TP53BP1: variants seen among roughly 807,000 people sequenced by gnomAD.
The protein encoded by TP53BP1 is TP53-binding protein 1.
Under a neutral mutation model 200.8 loss-of-function variants are expected in TP53BP1, and 61 were observed. The observed-to-expected ratio is 0.30, with a 90% CI of 0.25 to 0.38. The LOEUF is 0.38. Among genes scored for constraint, TP53BP1 ranks in the 10% least tolerant of loss-of-function variants. TP53BP1 has a pLI of 1.00. For missense variants in TP53BP1, 2,144 were observed against 2,371.9 expected, an observed-to-expected ratio of 0.90 and a Z score of 2.00; for synonymous variants, 822 against 844.3, an observed-to-expected ratio of 0.97 and a Z score of 0.46.
rs1018078411 is a variant in TP53BP1, at chr15:43,456,227, T to A, written c.2381A>T (p.Asp794Val). The change falls in exon 12 of 28, where the codon GAT (aspartate) becomes GTT (valine). Residue 794 changes from aspartate (D) to valine (V), a missense_variant. This residue lies in a region of TP53BP1 where 1,700 missense variants were observed against 1,710.3 expected (regional missense o/e 0.99). Coordinates refer to ENST00000382044, the MANE Select transcript of TP53BP1 (RefSeq NM_001141980.3). The stretch of plus-strand genomic sequence containing the variant: ...ACATGGTTCTATTTCTGGAGCAATA[T>A]CCTCCCATGACTGGGAATCTGAGCA... Reference protein sequence around the residue: ...EKCSDSQSWEDIAPEIEPCAE... With the variant: ...EKCSDSQSWEVIAPEIEPCAE... 1.2e-6 allele frequency: 2 copies of A among 1,614,154 alleles called. No individual in the cohort carries two copies. Among genetic ancestry groups the A allele is most frequent in the Non-Finnish European group, 8.5e-7 (1 of 1,180,046 alleles).
intron 4 of TP53BP1, among the ~76,000 whole-genome samples, chr15:43,481,668 A>G (rs1229901474): frequency 6.6e-6 from 1 of 151,576 alleles, no homozygotes; most frequent in African/African-American, 2.4e-5. Flanking sequence ...TATAAAAATT[A>G]GCTGGGTGTG....
Position 43,457,980 on chromosome 15 carries a change from T to C in TP53BP1, c.1390-762A>G, listed in dbSNP as rs575582940. Among the ~76,000 whole-genome samples the C allele has an allele frequency of 3.3e-5, 5 of 151,722 alleles. No individual in the cohort carries two copies. The South Asian group carries it at 1.0e-3, about 32-fold the overall frequency. ...GTTGCAGTGAGCCAAGATCGTGTCA[T>C]TGCACTCCAGTCTGGATTACAGAGC... On this transcript the variant is annotated intron_variant, in intron 11 of 27. Coordinates refer to ENST00000382044, the MANE Select transcript of TP53BP1 (RefSeq NM_001141980.3).
rs190851376 is a variant in TP53BP1, at chr15:43,441,618, G to C, written c.3041-35C>G. On this transcript the variant is annotated intron_variant, in intron 14 of 27. Transcript: ENST00000382044. ...AACAAAACCAAGGAGAGAAAGGAAA[G>C]AGAAACAGAATTTAGTTAGTATCAC... 4.4e-5 allele frequency: 66 copies of C among 1,508,160 alleles called. No individual in the cohort carries two copies. In the African/African-American group the frequency reaches 7.7e-4, roughly 18 times the overall value. 93.4% of individuals were successfully genotyped at this position (1,508,160 alleles called of 1,614,324 possible).
intron 1 of TP53BP1, among the ~76,000 whole-genome samples, chr15:43,504,323 T>TTGAA (rs2079225254): frequency 2.0e-5 from 3 of 152,128 alleles, no homozygotes. Flanking sequence ...ATAAATACTA[T>TTGAA]TGAATGAATG....
chr15:43,467,315 C>T (rs1056957629), intron 11 of TP53BP1, among the ~76,000 whole-genome samples: 1 of 151,994 alleles, frequency 6.6e-6, no homozygotes, highest in Non-Finnish European at 1.5e-5. Context: ...CCTCCCACCT[C>T]GGCCTCCCAA....
chr15:43,427,469 A>G (rs2045567526), intron 18 of TP53BP1, among the ~76,000 whole-genome samples: 1 of 152,260 alleles, frequency 6.6e-6, no homozygotes, highest in Non-Finnish European at 1.5e-5. Flanking sequence ...ACAGAAAAGG[A>G]AAGCATGATG....
chr15:43,410,766 A>G (rs34212866), intron 24 of TP53BP1, among the ~76,000 whole-genome samples: 29,001 of 152,010 alleles, frequency 0.19, 2,982 homozygotes, highest in Middle Eastern at 0.31. Context: ...CTCCCCCTTC[A>G]GTGCCCTCGT....
chr15:43,428,671 C>A (rs1245445749), intron 17 of TP53BP1, among the ~76,000 whole-genome samples: 1 of 152,080 alleles, frequency 6.6e-6, no homozygotes, highest in Non-Finnish European at 1.5e-5. Flanking sequence ...TTACCTAAAA[C>A]AATATACACT....
chr15:43,408,036 G>A lies in TP53BP1; in HGVS notation c.5653C>T (p.Gln1885Ter). Residue 1885 changes from glutamine to a stop codon, truncating the protein, a stop_gained, in exon 27 of 28, where the codon CAA (glutamine) becomes TAA (stop). Transcript: ENST00000382044. LOFTEE classifies it high-confidence loss of function. ...CAGAGCTCCAGGAAGTTCTGCTGTT[G>A]GTCTGATACCAAGAGTACCTTCAGA... is the stretch of plus-strand genomic sequence containing the variant. ...QNLKVLLVSD[Q>*]QQNFLELWSE... The A allele has an allele frequency of 6.2e-7, 1 of 1,614,072 alleles. No homozygotes were observed. Among genetic ancestry groups the A allele is most frequent in the Non-Finnish European group, 8.5e-7 (1 of 1,179,976 alleles).
chr15:43,494,723 A>G (rs1331468555), upstream of TP53BP1, among the ~76,000 whole-genome samples: 3 of 152,230 alleles, frequency 2.0e-5, no homozygotes, highest in Non-Finnish European at 2.9e-5. Context: ...GCTCTATTTG[A>G]GAGGGCACAA....
At position 43,403,644 on chromosome 15, in the gene TP53BP1, T is replaced by G. The variant is rs538174893; in HGVS notation, c.*3739A>C. The G allele has an allele frequency of 1.5e-5, 21 of 1,436,258 alleles. No homozygotes were observed. The African/African-American group carries it at 2.7e-4, about 18-fold the overall frequency. 89.0% of individuals were successfully genotyped at this position (1,436,258 alleles called of 1,614,324 possible). On this transcript the variant is annotated 3_prime_UTR_variant, in exon 28 of 28. Coordinates refer to ENST00000382044, the MANE Select transcript of TP53BP1 (RefSeq NM_001141980.3). ...AACACTTTAACTTCATGGATGTACC[T>G]TCCTTCCTTTCCTAATGCCAACTCT...
Position 43,449,052 on chromosome 15 carries a change from G to C in TP53BP1, c.2717-1567C>G, listed in dbSNP as rs1358058277. 2.7e-5 allele frequency among the ~76,000 whole-genome samples: 4 copies of C among 150,000 alleles called. No homozygotes were observed. In the East Asian group the frequency reaches 8.0e-4, roughly 30 times the overall value. ...TGAGGCAGGAGAACTGCTTGAACCTGGGAGGCAGAGGTTGCAGTAAGCCAA... is the reference window on the plus strand; with the variant it reads ...TGAGGCAGGAGAACTGCTTGAACCTCGGAGGCAGAGGTTGCAGTAAGCCAA... On this transcript the variant is annotated intron_variant, in intron 12 of 27. Transcript: ENST00000382044.
At position 43,405,391 on chromosome 15, in the gene TP53BP1, C is replaced by T. The variant is rs534520937; in HGVS notation, c.*1992G>A. 1.0e-4 allele frequency: 69 copies of T among 666,828 alleles called. No individual in the cohort carries two copies. The African/African-American group carries it at 1.2e-3, about 11-fold the overall frequency. 41.3% of individuals were successfully genotyped at this position (666,828 alleles called of 1,614,324 possible). ...AGGAGTACAACTCCTTCCCATCATT[C>T]CCATGTGGAAGGGTCTCTCCCATCA... On this transcript the variant is annotated 3_prime_UTR_variant, in exon 28 of 28. Coordinates refer to ENST00000382044, the MANE Select transcript of TP53BP1 (RefSeq NM_001141980.3).
In TP53BP1 at chr15:43,456,241, G is replaced by C. The variant is rs150010105; in HGVS notation, c.2367C>G (p.Ser789=). 377 of 1,614,116 alleles carry C rather than the reference G, an allele frequency of 2.3e-4. 3 individuals are homozygous for C. The African/African-American group carries it at 4.2e-3, about 18-fold the overall frequency. Residue 789 remains serine (S), a synonymous_variant, in exon 12 of 28, where the codon TCC becomes TCG. Coordinates refer to ENST00000382044, the MANE Select transcript of TP53BP1 (RefSeq NM_001141980.3). ...CTGGAGCAATATCCTCCCATGACTG[G>C]GAATCTGAGCACTTCTCCACTCCCT... is the stretch of plus-strand genomic sequence containing the variant. ...PLEGVEKCSD[S]QSWEDIAPEI...
At position 43,405,168 on chromosome 15, in the gene TP53BP1, T is replaced by A; in HGVS notation, c.*2215A>T. On this transcript the variant is annotated 3_prime_UTR_variant, in exon 28 of 28. Coordinates refer to ENST00000382044, the MANE Select transcript of TP53BP1 (RefSeq NM_001141980.3). The stretch of plus-strand genomic sequence containing the variant: ...CTTTGAAGGTAGTCTTGGGAAAGCA[T>A]GACACTTAATAAGGCTCTTTTTCTC... 1 of 1,613,762 alleles carries A rather than the reference T, an allele frequency of 6.2e-7. No individual in the cohort carries two copies.
At position 43,420,854 on chromosome 15, in the gene TP53BP1, TCA is replaced by T; in HGVS notation, c.4251-121_4251-120del. The T allele has an allele frequency of 4.7e-6, 6 of 1,283,406 alleles. 1 individual carries two copies. In the South Asian group the frequency reaches 8.8e-5, roughly 19 times the overall value. 79.5% of individuals were successfully genotyped at this position (1,283,406 alleles called of 1,614,324 possible). On this transcript the variant is annotated intron_variant, in intron 20 of 27. Coordinates refer to ENST00000382044, the MANE Select transcript of TP53BP1 (RefSeq NM_001141980.3). Reference sequence around the variant, plus strand: ...CTCAGCCCATTCTTTAAAAACCCCATCACAGGCATGAGCCTGGTCTCTCTGTG... The same window carrying T: ...CTCAGCCCATTCTTTAAAAACCCCATCAGGCATGAGCCTGGTCTCTCTGTG...
At chr15:43,415,503 C>CA in intron 23 of TP53BP1, 91 bp downstream of exon 23, 2 of 1,351,924 alleles carry the variant, frequency 1.5e-6, no homozygotes, top group Non-Finnish European at 2.1e-6. Flanking sequence ...ACAGAAGGGC[C>CA]ACTGCCACAT....
chr15:43,411,778 C>T (rs367928986), intron 24 of TP53BP1, among the ~76,000 whole-genome samples: 5 of 152,330 alleles, frequency 3.3e-5, no homozygotes, highest in East Asian at 3.9e-4. Flanking sequence ...TTACATCTCA[C>T]GCAGGCACAC....
intron 1 of TP53BP1, among the ~76,000 whole-genome samples, chr15:43,509,653 C>T (rs2079260385): frequency 6.6e-6 from 1 of 152,210 alleles, no homozygotes; most frequent in South Asian, 2.1e-4. Flanking sequence ...AAGTGAACCA[C>T]CCACTTTGGC....
Sources: allele counts gnomAD v4.1 joint callset (sites outside exome capture counted in the v4.1 genomes callset), GRCh38; gene constraint gnomAD v4.1.1; regional missense constraint gnomAD v4.1.1; transcripts MANE v1.5; gene names NCBI Gene and HGNC (gene_info 2026-07-23, HGNC 2026-07-21).